The following GNB1L variants were observed in gnomAD, a reference collection of about 807,000 sequenced individuals.
GNB1L encodes guanine nucleotide-binding protein subunit beta-like protein 1.
Under a neutral mutation model 29.1 loss-of-function variants are expected in GNB1L, and 20 were observed. That is an observed-to-expected ratio of 0.69 (90% CI 0.48 to 1.00). GNB1L has a LOEUF of 1.00. Among genes scored for constraint, GNB1L ranks in the 50% least tolerant of loss-of-function variants. GNB1L has a pLI of 0.00. For missense variants in GNB1L, 421 were observed against 464.9 expected (o/e 0.91, Z 0.87); for synonymous variants, 193 against 206.5 (o/e 0.93, Z 0.56).
At chr22:19,817,623 A>G (rs1436869277) in intron 4 of GNB1L, among the ~76,000 whole-genome samples, 1 of 152,268 alleles carries the variant, frequency 6.6e-6, no homozygotes, top group Non-Finnish European at 1.5e-5. Context: ...CTTCCAAAGA[A>G]AAAAGCAGAC....
chr22:19,849,339 A>G (rs949009318), intron 2 of GNB1L: 3 of 963,362 alleles, frequency 3.1e-6, no homozygotes, highest in African/African-American at 3.5e-5. Flanking sequence ...CCAACAATTT[A>G]TATTTTTCTA....
chr22:19,802,550 G>A (rs1795957573), intron 6 of GNB1L, among the ~76,000 whole-genome samples: 1 of 152,208 alleles, frequency 6.6e-6, no homozygotes, highest in South Asian at 2.1e-4. Flanking sequence ...CCTGGGTTCT[G>A]CCCAAAGGGG....
At chr22:19,806,988 C>T (rs1209161336) in intron 5 of GNB1L, among the ~76,000 whole-genome samples, 1 of 152,238 alleles carries the variant, frequency 6.6e-6, no homozygotes, top group Non-Finnish European at 1.5e-5. Flanking sequence ...CCCGACGTTA[C>T]CGTGCAGGCT....
chr22:19,844,381 G>A (rs1408379558), intron 2 of GNB1L, among the ~76,000 whole-genome samples: 1 of 152,250 alleles, frequency 6.6e-6, no homozygotes, highest in Non-Finnish European at 1.5e-5. Context: ...CGCTGGCAGG[G>A]GGAGTGGGTC....
intron 2 of GNB1L, among the ~76,000 whole-genome samples, chr22:19,826,130 C>T (rs1937618153): frequency 1.3e-5 from 2 of 152,216 alleles, no homozygotes. Flanking sequence ...CTCTGATGGC[C>T]TCTGGGGTGA....
intron 7 of GNB1L, 102 bp downstream of exon 7, chr22:19,801,899 A>G: frequency 1.0e-6 from 1 of 1,001,358 alleles, no homozygotes; most frequent in Non-Finnish European, 1.5e-6. Context: ...TTAATTAGCC[A>G]GGGATCTGCA....
chr22:19,849,780 TTTG>T, intron 2 of GNB1L: 1 of 985,456 alleles, frequency 1.0e-6, no homozygotes, highest in Non-Finnish European at 1.2e-6. Context: ...AAGGTGTTGT[TTTG>T]TTGTTTTCAC....
chr22:19,791,075 A>T (rs927971861), intron 7 of GNB1L, among the ~76,000 whole-genome samples: 11 of 152,216 alleles, frequency 7.2e-5, no homozygotes, highest in South Asian at 6.2e-4. Context: ...TACAAAAAAA[A>T]TTTTTTAATT....
At chr22:19,850,817 T>G in intron 2 of GNB1L, 2 of 1,286,258 alleles carry the variant, frequency 1.6e-6, no homozygotes, top group Non-Finnish European at 9.8e-7. Flanking sequence ...AGGGGGGTGT[T>G]TTATGGGGGT....
At chr22:19,836,537 G>A (rs1937767288) in intron 2 of GNB1L, among the ~76,000 whole-genome samples, 2 of 152,166 alleles carry the variant, frequency 1.3e-5, no homozygotes, top group East Asian at 3.8e-4. Context: ...ATTTGATGAG[G>A]CTAGCACTAA....
intron 5 of GNB1L, among the ~76,000 whole-genome samples, chr22:19,811,541 A>G (rs973811159): frequency 2.0e-5 from 3 of 151,882 alleles, no homozygotes; most frequent in Admixed American, 6.6e-5. Flanking sequence ...CTCCCCGCAC[A>G]TCTTGGGCAC....
chr22:19,838,476 T>TA (rs1170161566), intron 2 of GNB1L, among the ~76,000 whole-genome samples: 13 of 123,900 alleles, frequency 1.0e-4, no homozygotes, highest in African/African-American at 5.5e-4. Context: ...TATTTTTATT[T>TA]TTATTTTTTT....
At chr22:19,803,743 ACT>A (rs78735442) in intron 6 of GNB1L, among the ~76,000 whole-genome samples, 26,222 of 152,006 alleles carry the variant, frequency 0.17, 2,741 homozygotes, top group South Asian at 0.33. Context: ...AGCGGGGAAC[ACT>A]CTGCATCCCA....
chr22:19,797,797 G>A (rs1324839120), intron 7 of GNB1L, among the ~76,000 whole-genome samples: 1 of 152,132 alleles, frequency 6.6e-6, no homozygotes, highest in Non-Finnish European at 1.5e-5. Flanking sequence ...TCCAGGGCCC[G>A]GGGCCCCCTG....
At position 19,802,211 on chromosome 22, in the gene GNB1L, G is replaced by A. The variant is rs1937382418; in HGVS notation, c.522C>T (p.Asp174=). The part of the protein sequence containing the change: ...MPMCLRLWQA[D]CSSRPLLLAG... ...CCAGAAGGAGTGGGCGGGAGCTGCA[G>A]TCGGCCTGCGGGGAACAGCAGAGCA... Residue 174 remains aspartate (D), a synonymous_variant, in exon 7 of 8, where the codon GAC becomes GAT. Coordinates refer to ENST00000329517, the MANE Select transcript of GNB1L (RefSeq NM_053004.3). The A allele has an allele frequency of 1.9e-6, 3 of 1,612,250 alleles. No individual in the cohort carries two copies. Among genetic ancestry groups the A allele is most frequent in the African/African-American group, 2.7e-5 (2 of 74,942 alleles).
intron 4 of GNB1L, 144 bp from the exon 5 acceptor site, chr22:19,812,591 T>C: frequency 1.3e-6 from 1 of 764,478 alleles, no homozygotes; most frequent in Non-Finnish European, 2.1e-6. Context: ...GAGCCTCAGC[T>C]GAGGAAGGGC....
intron 2 of GNB1L, among the ~76,000 whole-genome samples, chr22:19,841,226 G>C (rs781354315): frequency 6.6e-6 from 1 of 152,150 alleles, no homozygotes; most frequent in Non-Finnish European, 1.5e-5. Flanking sequence ...CGTGCACAAG[G>C]TTCACACTCA....
rs1468350618 is a variant in GNB1L, at chr22:19,847,803, G to GAAAAAAAAA, written c.-21+6639_-21+6640insTTTTTTTTT. On this transcript the variant is annotated intron_variant, in intron 2 of 7. Coordinates refer to ENST00000329517, the MANE Select transcript of GNB1L (RefSeq NM_053004.3). Reference sequence around the variant, plus strand: ...AACTTTTAAAATCCTGGAATCATAGGCAAAAAAAAAAAAAAAAAAAAATTC... The same window carrying GAAAAAAAAA: ...AACTTTTAAAATCCTGGAATCATAGGAAAAAAAAACAAAAAAAAAAAAAAAAAAAAATTC... 40 of 440,346 alleles carry GAAAAAAAAA rather than the reference G, an allele frequency of 9.1e-5. 3 individuals carry two copies. The African/African-American group carries it at 1.3e-3, about 15-fold the overall frequency. 27.3% of individuals were successfully genotyped at this position (440,346 alleles called of 1,614,324 possible).
chr22:19,787,145 TG>T lies in GNB1L; in HGVS notation c.*1563del. The stretch of plus-strand genomic sequence containing the variant: ...CCCCCAGCAACCATGTTCCTCACAG[TG>T]GGGTTGGGGAGGCACGGCCTTGGGA... On this transcript the variant is annotated 3_prime_UTR_variant, in exon 8 of 8. Coordinates refer to ENST00000329517, the MANE Select transcript of GNB1L (RefSeq NM_053004.3). 1 of 152,448 alleles carries T rather than the reference TG, an allele frequency of 6.6e-6. No individual in the cohort carries two copies. Among genetic ancestry groups the T allele is most frequent in the Non-Finnish European group, 1.5e-5 (1 of 68,138 alleles). 9.4% of individuals were successfully genotyped at this position (152,448 alleles called of 1,614,324 possible). A position where few individuals can be genotyped will look rare whatever the true frequency, so the allele number is the denominator to read the frequency against.
Sources: allele counts gnomAD v4.1 joint callset (sites outside exome capture counted in the v4.1 genomes callset), GRCh38; gene constraint gnomAD v4.1.1; transcripts MANE v1.5; gene names NCBI Gene and HGNC (gene_info 2026-07-23, HGNC 2026-07-21).